Variants in NUP210L observed in about 807,000 individuals in gnomAD.
The protein encoded by NUP210L is nucleoporin 210 like.
Under a neutral mutation model 208.5 loss-of-function variants are expected in NUP210L, and 74 were observed. The observed-to-expected ratio is 0.35, with a 90% CI of 0.29 to 0.43. The LOEUF is 0.43. Among genes scored for constraint, NUP210L ranks in the 20% least tolerant of loss-of-function variants. The pLI, the probability that NUP210L is intolerant of heterozygous loss-of-function variation, is 1.00. For missense variants in NUP210L, 1,843 were observed against 2,289.4 expected (o/e 0.81, Z 3.98); for synonymous variants, 780 against 816.9 (o/e 0.95, Z 0.77).
At chr1:154,102,571 T>G (rs1656523932) in intron 13 of NUP210L, among the ~76,000 whole-genome samples, 2 of 152,126 alleles carry the variant, frequency 1.3e-5, no homozygotes, top group Non-Finnish European at 1.5e-5. Flanking sequence ...AAAGTCCAAT[T>G]TGATACCAAG....
At chr1:154,098,157 C>T (rs894497239) in intron 14 of NUP210L, among the ~76,000 whole-genome samples, 12 of 152,322 alleles carry the variant, frequency 7.9e-5, no homozygotes, top group African/African-American at 2.9e-4. Flanking sequence ...AAGCCTGTGG[C>T]TAGATCAGGT....
chr1:154,054,940 GC>G, intron 23 of NUP210L, 108 bp from the exon 24 acceptor site: 1 of 728,882 alleles, frequency 1.4e-6, no homozygotes, highest in Non-Finnish European at 2.4e-6. Context: ...TTGCTCTGTT[GC>G]CCATGCTGAA....
intron 16 of NUP210L, among the ~76,000 whole-genome samples, chr1:154,084,216 T>A (rs1391349892): frequency 6.7e-6 from 1 of 149,942 alleles, no homozygotes; most frequent in Non-Finnish European, 1.5e-5. Context: ...ATTTTTAATT[T>A]TTTTTTTTTT....
rs1653964166 is a variant in NUP210L, at chr1:154,058,088, C to T, written c.3107+1G>A. 7 of 1,613,910 alleles carry T rather than the reference C, an allele frequency of 4.3e-6. No individual in the cohort carries two copies. The highest frequency in any genetic ancestry group is 2.2e-5 in the East Asian group (1 of 44,894). ...GAAGGAAGTATTGAAATGGTACTTACGTCAGGGTGACAATGGCAGAAGCCA... is the reference window on the plus strand; with the variant it reads ...GAAGGAAGTATTGAAATGGTACTTATGTCAGGGTGACAATGGCAGAAGCCA... On this transcript the variant is annotated splice_donor_variant, in intron 22 of 39. Transcript: ENST00000368559. LOFTEE classifies it high-confidence loss of function.
At chr1:153,999,324 C>T (rs986037258) in intron 37 of NUP210L, among the ~76,000 whole-genome samples, 1 of 152,152 alleles carries the variant, frequency 6.6e-6, no homozygotes, top group African/African-American at 2.4e-5. Context: ...GGCATTATTT[C>T]TAAACTAGGT....
chr1:154,135,845 C>A (rs1212998779), exon 7 of NUP210L: 2 of 1,614,074 alleles, frequency 1.2e-6, no homozygotes, highest in East Asian at 2.2e-5. Context: ...TAGTCTGGCC[C>A]AGTTGTGAGG....
chr1:154,055,176 T>TTTCTTTCTTTGTTTCTTTCTTTC (rs1653786017), intron 23 of NUP210L, among the ~76,000 whole-genome samples: 1 of 120,068 alleles, frequency 8.3e-6, no homozygotes. Context: ...TCTTTCTTTC[T>TTTCTTTCTTTGTTTCTTTCTTTC]TTCTTTCTTT....
intron 22 of NUP210L, 127 bp from the exon 23 acceptor site, chr1:154,057,074 A>T (rs1653908626): frequency 7.5e-6 from 6 of 803,514 alleles, no homozygotes; most frequent in Admixed American, 5.6e-5. Flanking sequence ...AACCTCCCAG[A>T]CTCAATGTAT....
chr1:154,028,670 T>C (rs1449295959), intron 28 of NUP210L, among the ~76,000 whole-genome samples: 1 of 152,186 alleles, frequency 6.6e-6, no homozygotes, highest in African/African-American at 2.4e-5. Context: ...TGAATCCCTC[T>C]CTAGTTACTA....
chr1:154,116,653 A>AGGAGTT (rs1237992263), intron 12 of NUP210L, among the ~76,000 whole-genome samples: 2 of 151,730 alleles, frequency 1.3e-5, no homozygotes, highest in Non-Finnish European at 2.9e-5. Context: ...CTTGAGTCCT[A>AGGAGTT]GGAGTTTGAG....
intron 27 of NUP210L, among the ~76,000 whole-genome samples, chr1:154,042,836 T>C (rs1557935718): frequency 3.3e-5 from 5 of 151,818 alleles, no homozygotes; most frequent in Admixed American, 2.6e-4. Context: ...CTCAGCCTCC[T>C]GAGTAGCTGG....
intron 10 of NUP210L, 132 bp downstream of exon 10, chr1:154,126,191 A>C: frequency 1.4e-6 from 1 of 719,940 alleles, no homozygotes; most frequent in East Asian, 2.6e-5. Context: ...TACACTTACG[A>C]ATTTGCTGTT....
chr1:154,098,910 G>A (rs375166228), intron 14 of NUP210L, among the ~76,000 whole-genome samples: 6 of 152,204 alleles, frequency 3.9e-5, no homozygotes, highest in East Asian at 3.9e-4. Flanking sequence ...GGCCAGTGCC[G>A]AGCTGCCCTC....
intron 27 of NUP210L, among the ~76,000 whole-genome samples, chr1:154,031,312 A>G (rs1379398394): frequency 6.6e-6 from 1 of 152,038 alleles, no homozygotes; most frequent in Non-Finnish European, 1.5e-5. Flanking sequence ...CTGGTCTCGA[A>G]CTCCTGACCT....
At chr1:154,153,777 G>A (rs1659536058) in intron 1 of NUP210L, among the ~76,000 whole-genome samples, 1 of 152,132 alleles carries the variant, frequency 6.6e-6, no homozygotes, top group Non-Finnish European at 1.5e-5. Flanking sequence ...TAGAAGAAAT[G>A]GCTTTCAATG....
intron 7 of NUP210L, 98 bp downstream of exon 7, chr1:154,135,716 C>A: frequency 8.7e-7 from 1 of 1,148,486 alleles, no homozygotes; most frequent in South Asian, 1.3e-5. Flanking sequence ...CCACCGCGCC[C>A]GGCCATAATC....
chr1:154,148,324 T>C (rs1659220999), intron 2 of NUP210L, among the ~76,000 whole-genome samples: 1 of 150,068 alleles, frequency 6.7e-6, no homozygotes, highest in African/African-American at 2.4e-5. Flanking sequence ...ACACCCCATC[T>C]TTACAAAACT....
rs761543702 is a variant in NUP210L at position 154,025,636 on chromosome 1, A to T, written c.4028T>A (p.Leu1343His). ...ACCTGCAATGGAACCAGCTTTCAGG[A>T]GCCCTTCACCATCCTCCTCAATGAC... Residue 1343 changes from leucine (L) to histidine (H), a missense_variant, in exon 30 of 40, where the codon CTC becomes CAC. Leu to His is a moderately conservative substitution (Grantham distance 99, BLOSUM62 -3). This residue lies in a region of NUP210L where 781 missense variants were observed against 973.8 expected (regional missense o/e 0.80). Transcript: ENST00000368559. The T allele has an allele frequency of 4.0e-5, 65 of 1,613,812 alleles. No individual in the cohort carries two copies. The highest frequency in any genetic ancestry group is 5.3e-5 in the Non-Finnish European group (63 of 1,179,904).
intron 16 of NUP210L, among the ~76,000 whole-genome samples, chr1:154,081,183 C>T (rs750111129): frequency 1.3e-4 from 20 of 150,838 alleles, no homozygotes; most frequent in Admixed American, 2.6e-4. Flanking sequence ...AATGGCCCAG[C>T]TATATGTTGT....
Sources: allele counts gnomAD v4.1 joint callset (sites outside exome capture counted in the v4.1 genomes callset), GRCh38; gene constraint gnomAD v4.1.1; regional missense constraint gnomAD v4.1.1; transcripts MANE v1.5; gene names NCBI Gene and HGNC (gene_info 2026-07-23, HGNC 2026-07-21).